KSR2: variants seen among roughly 807,000 people sequenced by gnomAD.
The protein encoded by KSR2 is kinase suppressor of ras 2.
In KSR2, 25 loss-of-function variants were observed where a neutral mutation model predicts 107.8. The observed-to-expected ratio is 0.23, with a 90% confidence interval of 0.17 to 0.32. The LOEUF is 0.32. Among genes scored for constraint, KSR2 ranks in the 10% least tolerant of loss-of-function variants. The pLI, the probability that KSR2 is intolerant of heterozygous loss-of-function variation, is 1.00. For missense variants in KSR2, 887 were observed against 1,268.9 expected, an observed-to-expected ratio of 0.70 and a Z score of 4.57; for synonymous variants, 480 against 507.0, an observed-to-expected ratio of 0.95 and a Z score of 0.71.
chr12:117,923,546 T>C (rs4767641), intron 1 of KSR2, among the ~76,000 whole-genome samples: 24,923 of 151,950 alleles, frequency 0.16, 2,325 homozygotes, highest in East Asian at 0.32. Context: ...ATGCCAGCAG[T>C]CCCAACTACT....
chr12:117,843,637 G>A (rs1022916597), intron 3 of KSR2, among the ~76,000 whole-genome samples: 4 of 152,224 alleles, frequency 2.6e-5, no homozygotes, highest in Non-Finnish European at 4.4e-5. Context: ...AGGCTGGGGT[G>A]CTGGTCCTGT....
intron 4 of KSR2, among the ~76,000 whole-genome samples, chr12:117,688,083 A>T (rs961028452): frequency 8.7e-5 from 4 of 46,088 alleles, no homozygotes; most frequent in Middle Eastern, 0.015. Context: ...ATTCCCTTTT[A>T]AAAAAAAGTC....
At chr12:117,654,422 G>C in intron 5 of KSR2, among the ~76,000 whole-genome samples, 1 of 152,150 alleles carries the variant, frequency 6.6e-6, no homozygotes, top group East Asian at 1.9e-4. Context: ...GAGAAGACCA[G>C]GGCCTGGTTC....
chr12:117,609,253 A>C (rs770626709), intron 5 of KSR2, among the ~76,000 whole-genome samples: 3 of 152,180 alleles, frequency 2.0e-5, no homozygotes, highest in Non-Finnish European at 2.9e-5. Flanking sequence ...TCTCATCTTT[A>C]AAATGGGGAT....
At chr12:117,526,212 G>A (rs1020130488) in intron 13 of KSR2, among the ~76,000 whole-genome samples, 5 of 152,182 alleles carry the variant, frequency 3.3e-5, no homozygotes, top group East Asian at 1.9e-4. Context: ...CGACTCAGGC[G>A]TACTTCGGCG....
At chr12:117,601,302 G>GGC (rs1880935342) in intron 5 of KSR2, among the ~76,000 whole-genome samples, 1 of 150,412 alleles carries the variant, frequency 6.6e-6, no homozygotes. Context: ...TCTTGGGGGG[G>GGC]GGGGTACCTA....
intron 5 of KSR2, among the ~76,000 whole-genome samples, chr12:117,643,379 G>A (rs909434617): frequency 1.6e-4 from 25 of 152,240 alleles, no homozygotes; most frequent in African/African-American, 5.3e-4. Flanking sequence ...TCTGGGAAGC[G>A]GAGGCTGCAG....
At chr12:117,692,533 CATAT>C (rs1265104999) in intron 4 of KSR2, among the ~76,000 whole-genome samples, 1 of 132,666 alleles carries the variant, frequency 7.5e-6, no homozygotes, top group Non-Finnish European at 1.6e-5. Flanking sequence ...TACACACACA[CATAT>C]ATATACACAT....
intron 14 of KSR2, among the ~76,000 whole-genome samples, chr12:117,487,968 T>C (rs1872554730): frequency 6.6e-6 from 1 of 152,266 alleles, no homozygotes; most frequent in Non-Finnish European, 1.5e-5. Context: ...TGAATTGTAA[T>C]AATCCCCAAG....
intron 17 of KSR2, among the ~76,000 whole-genome samples, chr12:117,471,591 T>C (rs1311981845): frequency 2.0e-5 from 3 of 152,142 alleles, no homozygotes; most frequent in East Asian, 1.9e-4. Context: ...GCAATGATTC[T>C]AGGAAATCAT....
At chr12:117,713,842 G>A (rs1217830264) in intron 4 of KSR2, among the ~76,000 whole-genome samples, 1 of 151,902 alleles carries the variant, frequency 6.6e-6, no homozygotes, top group Non-Finnish European at 1.5e-5. Flanking sequence ...ATTACTCCCT[G>A]AGGCTGAGTC....
chr12:117,876,421 C>T (rs1175536145), intron 1 of KSR2, among the ~76,000 whole-genome samples: 1 of 152,162 alleles, frequency 6.6e-6, no homozygotes, highest in Non-Finnish European at 1.5e-5. Flanking sequence ...GCAGTCCCGC[C>T]GAATGCTGGA....
intron 2 of KSR2, 67 bp from the exon 3 acceptor site, chr12:117,855,645 G>A: frequency 2.6e-6 from 4 of 1,515,028 alleles, no homozygotes; most frequent in Non-Finnish European, 3.6e-6. Flanking sequence ...ACGCTGCCCT[G>A]TAGTGGTGCC....
intron 14 of KSR2, among the ~76,000 whole-genome samples, chr12:117,520,539 G>T (rs947143061): frequency 4.6e-5 from 7 of 152,336 alleles, no homozygotes; most frequent in Middle Eastern, 6.8e-3. Context: ...GCAAAATGGG[G>T]TGAAAGCAAG....
At chr12:117,649,218 C>T (rs373066919) in intron 5 of KSR2, among the ~76,000 whole-genome samples, 1 of 152,318 alleles carries the variant, frequency 6.6e-6, no homozygotes, top group African/African-American at 2.4e-5. Context: ...ACTCCTGGAC[C>T]AGAGTTTTGC....
intron 1 of KSR2, among the ~76,000 whole-genome samples, chr12:117,966,117 T>C (rs1324710504): frequency 6.6e-6 from 1 of 151,936 alleles, no homozygotes; most frequent in East Asian, 1.9e-4. Context: ...ATCCCCCCAG[T>C]TTAAAAGGAA....
chr12:117,802,670 G>T (rs1217418790), intron 3 of KSR2, among the ~76,000 whole-genome samples: 3 of 152,140 alleles, frequency 2.0e-5, no homozygotes, highest in Non-Finnish European at 4.4e-5. Flanking sequence ...CAAGTGTCAG[G>T]GGTGGGGAGG....
At chr12:117,794,504 A>G (rs1472933383) in intron 3 of KSR2, among the ~76,000 whole-genome samples, 9 of 116,998 alleles carry the variant, frequency 7.7e-5, no homozygotes, top group Non-Finnish European at 1.1e-4. Flanking sequence ...ACATGCACAC[A>G]CAACATGCAC....
intron 3 of KSR2, among the ~76,000 whole-genome samples, chr12:117,797,234 C>T (rs542234002): frequency 1.3e-5 from 2 of 152,334 alleles, no homozygotes; most frequent in Admixed American, 1.3e-4. Flanking sequence ...AAACAATCAC[C>T]ATGTCCATCA....
Sources: gnomAD v4.1 joint callset for allele counts (sites outside exome capture counted in the v4.1 genomes callset) on GRCh38, gnomAD v4.1.1 for gene constraint, MANE v1.5 for transcripts, NCBI Gene and HGNC (gene_info 2026-07-23, HGNC 2026-07-21) for gene names.